Variants in WDR7 observed in about 807,000 individuals in gnomAD.
The protein encoded by WDR7 is WD repeat domain 7, also known as WD repeat-containing protein 7.
WDR7 carries 46 observed loss-of-function variants against 169.4 expected under a neutral mutation model. The observed-to-expected ratio is 0.27, with a 90% confidence interval of 0.21 to 0.35. The LOEUF (loss-of-function observed/expected upper bound fraction) is 0.35, where lower values mean the gene tolerates loss of function less well. Among genes scored for constraint, WDR7 ranks in the 10% least tolerant of loss-of-function variants. The pLI is 1.00. For synonymous variants in WDR7, 612 were observed against 666.8 expected, an observed-to-expected ratio of 0.92 and a Z score of 1.27; for missense variants, 1,534 against 1,859.3, an observed-to-expected ratio of 0.83 and a Z score of 3.22.
chr18:56,991,703 A>G (rs573786008), intron 26 of WDR7, among the ~76,000 whole-genome samples: 50 of 152,334 alleles, frequency 3.3e-4, no homozygotes, highest in Non-Finnish European at 6.2e-4. Context: ...TGAACTCTCC[A>G]TAACTGATAC....
intron 21 of WDR7, among the ~76,000 whole-genome samples, chr18:56,907,453 C>T (rs898689572): frequency 6.6e-6 from 1 of 152,176 alleles, no homozygotes; most frequent in African/African-American, 2.4e-5. Context: ...TGCCGTGACG[C>T]TTGGCTCTTT....
chr18:56,725,335 G>A lies in WDR7; in HGVS notation c.1775-6048G>A, dbSNP rs879267389. On this transcript the variant is annotated intron_variant, in intron 13 of 27. Coordinates refer to ENST00000254442, the MANE Select transcript of WDR7 (RefSeq NM_015285.3). The stretch of plus-strand genomic sequence containing the variant: ...ACCTGTTGTTTCCTGACTTTTTAAT[G>A]ATTGCCATTCTAACTGGTGTGAGAT... Among the ~76,000 whole-genome samples the A allele has an allele frequency of 1.5e-3, 231 of 151,368 alleles. 1 individual carries two copies. Among genetic ancestry groups the A allele is most frequent in the Non-Finnish European group, 2.5e-3 (167 of 68,006 alleles).
intron 26 of WDR7, among the ~76,000 whole-genome samples, chr18:57,014,446 C>T (rs2048179722): frequency 6.6e-6 from 1 of 151,892 alleles, no homozygotes; most frequent in Non-Finnish European, 1.5e-5. Context: ...CACCTGAGGT[C>T]AGGAGTTCAA....
intron 21 of WDR7, among the ~76,000 whole-genome samples, chr18:56,899,925 T>G (rs993712512): frequency 6.6e-6 from 1 of 151,794 alleles, no homozygotes; most frequent in African/African-American, 2.4e-5. Context: ...TGCTTTAAAG[T>G]TTTGCATTAT....
In WDR7 at chr18:57,028,428, A is replaced by G. The variant is rs910186137; in HGVS notation, c.*1221A>G. On this transcript the variant is annotated 3_prime_UTR_variant, in exon 28 of 28. Coordinates refer to ENST00000254442, the MANE Select transcript of WDR7 (RefSeq NM_015285.3). ...AGCTCATAATAATGAAAAAAATAGA[A>G]TTATATTTTGTATGAATTGTTTCTA... 3 of 152,202 alleles carry G rather than the reference A, an allele frequency of 2.0e-5. No individual in the cohort carries two copies. Among genetic ancestry groups the G allele is most frequent in the Non-Finnish European group, 4.4e-5 (3 of 68,034 alleles). 9.4% of individuals were successfully genotyped at this position (152,202 alleles called of 1,614,324 possible).
chr18:56,923,532 A>G (rs2046758281), intron 21 of WDR7, among the ~76,000 whole-genome samples: 1 of 152,236 alleles, frequency 6.6e-6, no homozygotes, highest in Non-Finnish European at 1.5e-5. Flanking sequence ...AGTATTTTAC[A>G]TATGAACTGT....
At chr18:56,805,173 C>A (rs1406629696) in intron 19 of WDR7, among the ~76,000 whole-genome samples, 2 of 152,134 alleles carry the variant, frequency 1.3e-5, no homozygotes, top group Admixed American at 6.6e-5. Flanking sequence ...TAAATTGATA[C>A]CAAAATTAAG....
At chr18:56,964,027 A>T (rs931728554) in intron 26 of WDR7, among the ~76,000 whole-genome samples, 3 of 151,900 alleles carry the variant, frequency 2.0e-5, no homozygotes, top group Non-Finnish European at 4.4e-5. Context: ...ACCACATAAG[A>T]CACAGCTGCC....
At chr18:57,016,929 C>T (rs1003178576) in intron 26 of WDR7, among the ~76,000 whole-genome samples, 3 of 152,148 alleles carry the variant, frequency 2.0e-5, no homozygotes, top group African/African-American at 4.8e-5. Context: ...AAAAATATAA[C>T]AAGGCATGAT....
chr18:56,937,118 A>G (rs1402313517), intron 23 of WDR7, among the ~76,000 whole-genome samples: 3 of 152,190 alleles, frequency 2.0e-5, no homozygotes, highest in Non-Finnish European at 4.4e-5. Context: ...CCATTTACAT[A>G]TGAGTATTTT....
intron 16 of WDR7, among the ~76,000 whole-genome samples, chr18:56,776,147 AT>A (rs901788361): frequency 7.3e-5 from 11 of 151,342 alleles, no homozygotes; most frequent in South Asian, 2.1e-4. Context: ...ATTCACAAAA[AT>A]TTTTTTTTAG....
chr18:56,916,794 T>A (rs1232592590), intron 21 of WDR7, among the ~76,000 whole-genome samples: 1 of 152,170 alleles, frequency 6.6e-6, no homozygotes, highest in Admixed American at 6.5e-5. Flanking sequence ...ATAATTGTAG[T>A]GATTAAAAGA....
At chr18:57,011,812 G>T (rs1359960288) in intron 26 of WDR7, among the ~76,000 whole-genome samples, 1 of 103,972 alleles carries the variant, frequency 9.6e-6, no homozygotes, top group African/African-American at 2.7e-5. Flanking sequence ...TTCAATACTA[G>T]AGAGTTTTAG....
intron 2 of WDR7, among the ~76,000 whole-genome samples, chr18:56,674,521 G>A (rs1346001296): frequency 6.6e-6 from 1 of 151,888 alleles, no homozygotes; most frequent in Non-Finnish European, 1.5e-5. Flanking sequence ...AAATTGGGTT[G>A]TCTTTTTATT....
At chr18:56,760,826 G>A (rs577795373) in intron 16 of WDR7, among the ~76,000 whole-genome samples, 5 of 152,262 alleles carry the variant, frequency 3.3e-5, no homozygotes, top group Non-Finnish European at 7.4e-5. Flanking sequence ...ACTAGGATAT[G>A]GAGCAATGAG....
At chr18:56,679,238 C>T in intron 2 of WDR7, 94 bp from the exon 3 acceptor site, 2 of 979,506 alleles carry the variant, frequency 2.0e-6, no homozygotes, top group Non-Finnish European at 3.0e-6. Context: ...AGCAGTCTAC[C>T]TAGTCTTCTA....
chr18:56,880,965 G>T (rs997907462), intron 21 of WDR7, among the ~76,000 whole-genome samples: 1 of 152,162 alleles, frequency 6.6e-6, no homozygotes, highest in African/African-American at 2.4e-5. Context: ...AACAAATATA[G>T]TCCAACTGAA....
At chr18:56,662,270 C>T (rs775540228) in intron 1 of WDR7, among the ~76,000 whole-genome samples, 9 of 152,294 alleles carry the variant, frequency 5.9e-5, no homozygotes, top group South Asian at 4.1e-4. Flanking sequence ...GATAGAAATA[C>T]GTCCTGCTTT....
intron 25 of WDR7, among the ~76,000 whole-genome samples, chr18:56,940,352 C>T (rs1306329403): frequency 6.6e-6 from 1 of 152,182 alleles, no homozygotes; most frequent in Non-Finnish European, 1.5e-5. Flanking sequence ...TGAGCCTTCG[C>T]ATATCTTTTT....
Sources: allele counts gnomAD v4.1 joint callset (sites outside exome capture counted in the v4.1 genomes callset), GRCh38; gene constraint gnomAD v4.1.1; transcripts MANE v1.5; gene names NCBI Gene and HGNC (gene_info 2026-07-23, HGNC 2026-07-21).